The following GAB2 variants were observed in gnomAD, a reference collection of about 807,000 sequenced individuals.
GAB2 encodes GRB2-associated-binding protein 2.
A neutral mutation model predicts 65.5 loss-of-function variants in GAB2; 26 were observed. That is an observed-to-expected ratio of 0.40 (90% CI 0.29 to 0.55). GAB2 has a LOEUF of 0.55. Among genes scored for constraint, GAB2 ranks in the 20% least tolerant of loss-of-function variants. GAB2 has a pLI of 0.53. For missense variants in GAB2, 884 were observed against 875.8 expected (o/e 1.01, Z -0.12); for synonymous variants, 321 against 329.6 (o/e 0.97, Z 0.28).
At chr11:78,346,102 C>G (rs1486119845) in intron 1 of GAB2, among the ~76,000 whole-genome samples, 1 of 152,170 alleles carries the variant, frequency 6.6e-6, no homozygotes, top group African/African-American at 2.4e-5. Flanking sequence ...AGACCCAGGA[C>G]AATCAACTCG....
At chr11:78,387,903 A>G (rs1856788974) in intron 1 of GAB2, among the ~76,000 whole-genome samples, 1 of 152,238 alleles carries the variant, frequency 6.6e-6, no homozygotes, top group South Asian at 2.1e-4. Flanking sequence ...ATTTTCCTAA[A>G]TACCCTGTCC....
intron 1 of GAB2, among the ~76,000 whole-genome samples, chr11:78,389,690 T>A (rs781732889): frequency 6.6e-6 from 1 of 152,206 alleles, no homozygotes. Flanking sequence ...ACACTGAATA[T>A]GTACACTTTT....
intron 1 of GAB2, among the ~76,000 whole-genome samples, chr11:78,404,082 T>A (rs1365633494): frequency 1.3e-5 from 2 of 152,210 alleles, no homozygotes; most frequent in Admixed American, 1.3e-4. Context: ...AACTACCATA[T>A]GATCTAGCAA....
intron 1 of GAB2, among the ~76,000 whole-genome samples, chr11:78,352,800 A>C (rs1024069138): frequency 6.6e-6 from 1 of 152,216 alleles, no homozygotes; most frequent in South Asian, 2.1e-4. Flanking sequence ...AAGAATGCTG[A>C]AACTTCCAGC....
At chr11:78,259,967 T>C (rs1204009782) in intron 2 of GAB2, among the ~76,000 whole-genome samples, 2 of 152,234 alleles carry the variant, frequency 1.3e-5, no homozygotes, top group East Asian at 3.8e-4. Flanking sequence ...GGACACTAAC[T>C]GGACCAGATC....
chr11:78,233,040 G>GTTTTTTTT (rs372693456), intron 3 of GAB2, among the ~76,000 whole-genome samples: 15,448 of 129,308 alleles, frequency 0.12, 959 homozygotes, highest in East Asian at 0.3. Flanking sequence ...GCACTGTTAA[G>GTTTTTTTT]TTTTTTTTTT....
intron 2 of GAB2, among the ~76,000 whole-genome samples, chr11:78,278,409 G>T (rs1866236573): frequency 6.6e-6 from 1 of 150,720 alleles, no homozygotes; most frequent in Non-Finnish European, 1.5e-5. Context: ...TTGAGACAGG[G>T]TCTCCCTCTG....
intron 1 of GAB2, among the ~76,000 whole-genome samples, chr11:78,398,601 T>C (rs1856931873): frequency 6.6e-6 from 1 of 152,182 alleles, no homozygotes; most frequent in Admixed American, 6.6e-5. Context: ...AAAAATACTA[T>C]GTAGATATAA....
chr11:78,344,607 A>G (rs1856150747), intron 1 of GAB2, among the ~76,000 whole-genome samples: 1 of 152,242 alleles, frequency 6.6e-6, no homozygotes, highest in South Asian at 2.1e-4. Flanking sequence ...TGCAAAGAAT[A>G]TTCATTGTTT....
chr11:78,386,181 A>G (rs901201635), intron 1 of GAB2, among the ~76,000 whole-genome samples: 1 of 152,242 alleles, frequency 6.6e-6, no homozygotes, highest in African/African-American at 2.4e-5. Flanking sequence ...CATTCTATCT[A>G]TGTGAACAAT....
chr11:78,270,809 T>C (rs566901407), intron 2 of GAB2, among the ~76,000 whole-genome samples: 11 of 152,358 alleles, frequency 7.2e-5, no homozygotes, highest in African/African-American at 2.6e-4. Flanking sequence ...AATGTGTACC[T>C]GTACATTCTC....
chr11:78,327,756 G>A (rs1855848691), intron 1 of GAB2, among the ~76,000 whole-genome samples: 1 of 152,110 alleles, frequency 6.6e-6, no homozygotes, highest in Non-Finnish European at 1.5e-5. Context: ...GGATTTAAGG[G>A]CAAGACAGCT....
rs775408357 is a variant in GAB2, at chr11:78,216,511, T to C, written c.*2761A>G. ...GAGCCAGAGCTTTGCTTTCAAAAGG[T>C]CAATTTCACCTCTCATCCTTCCATC... On this transcript the variant is annotated 3_prime_UTR_variant, in exon 10 of 10. Coordinates refer to ENST00000361507, the MANE Select transcript of GAB2 (RefSeq NM_080491.3). The C allele has an allele frequency of 7.9e-5, 12 of 152,006 alleles. No individual in the cohort carries two copies. Among genetic ancestry groups the C allele is most frequent in the Non-Finnish European group, 1.8e-4 (12 of 68,028 alleles). The allele number at this position is 152,006 out of a possible 1,614,324, so 9.4% of individuals were successfully genotyped here.
chr11:78,383,454 T>TG (rs2134741025), intron 1 of GAB2, among the ~76,000 whole-genome samples: 1 of 148,284 alleles, frequency 6.7e-6, no homozygotes, highest in East Asian at 2.0e-4. Flanking sequence ...TTTTAAGACG[T>TG]GGGGTCTCAG....
chr11:78,363,213 A>C (rs1856456633), intron 1 of GAB2, among the ~76,000 whole-genome samples: 1 of 152,206 alleles, frequency 6.6e-6, no homozygotes, highest in African/African-American at 2.4e-5. Context: ...CAAACACAGA[A>C]ATGAGAAGTT....
chr11:78,407,766 A>AAG (rs1231851022), intron 1 of GAB2, among the ~76,000 whole-genome samples: 1 of 151,702 alleles, frequency 6.6e-6, no homozygotes, highest in African/African-American at 2.4e-5. Flanking sequence ...GAAAGAAAGA[A>AAG]AGAGAGAGAA....
chr11:78,230,854 A>C (rs1177797089), intron 3 of GAB2, among the ~76,000 whole-genome samples: 1 of 152,228 alleles, frequency 6.6e-6, no homozygotes, highest in Non-Finnish European at 1.5e-5. Flanking sequence ...GGAATTCCAA[A>C]TACTCAGCAG....
intron 1 of GAB2, among the ~76,000 whole-genome samples, chr11:78,403,932 T>C (rs1857006987): frequency 6.6e-6 from 1 of 151,880 alleles, no homozygotes; most frequent in South Asian, 2.1e-4. Flanking sequence ...GCTAAGTATC[T>C]ACAGAAAAAA....
At chr11:78,409,355 C>G (rs1175485691) in intron 1 of GAB2, among the ~76,000 whole-genome samples, 1 of 152,134 alleles carries the variant, frequency 6.6e-6, no homozygotes, top group Non-Finnish European at 1.5e-5. Flanking sequence ...GAGGCCGAGG[C>G]AGGCGGATGA....
Sources: gnomAD v4.1 joint callset for allele counts (sites outside exome capture counted in the v4.1 genomes callset) on GRCh38, gnomAD v4.1.1 for gene constraint, MANE v1.5 for transcripts, NCBI Gene and HGNC (gene_info 2026-07-23, HGNC 2026-07-21) for gene names.